Variants in SPAG17 observed in about 807,000 individuals in gnomAD.
SPAG17 encodes sperm-associated antigen 17.
Under a neutral mutation model 273.6 loss-of-function variants are expected in SPAG17, and 169 were observed. That is an observed-to-expected ratio of 0.62 (90% CI 0.55 to 0.70). The LOEUF is 0.70. SPAG17 is among the 30% of genes least tolerant of loss of function. SPAG17 has a pLI of 0.00. For missense variants in SPAG17, 2,557 were observed against 2,627.8 expected (o/e 0.97, Z 0.59); for synonymous variants, 825 against 873.2 (o/e 0.94, Z 0.97).
chr1:118,049,382 AGT>A (rs1232601931), intron 20 of SPAG17, among the ~76,000 whole-genome samples: 1 of 152,226 alleles, frequency 6.6e-6, no homozygotes, highest in East Asian at 1.9e-4. Flanking sequence ...CTCATGATTA[AGT>A]GTGATTTATT....
chr1:118,027,180 A>T (rs1443360943), intron 26 of SPAG17, among the ~76,000 whole-genome samples: 1 of 152,202 alleles, frequency 6.6e-6, no homozygotes, highest in East Asian at 1.9e-4. Context: ...TCTGAGTGGA[A>T]GACACCCAGT....
chr1:118,184,547 A>T lies in SPAG17; in HGVS notation c.87+524T>A, dbSNP rs554410696. ...TAAAAATATGTCAAAACTTTAATATAGTGGGATCAGGGCATTACATTAAAA... is the reference window on the plus strand; with the variant it reads ...TAAAAATATGTCAAAACTTTAATATTGTGGGATCAGGGCATTACATTAAAA... On this transcript the variant is annotated intron_variant, in intron 1 of 48. Coordinates refer to ENST00000336338, the MANE Select transcript of SPAG17 (RefSeq NM_206996.4). Among the ~76,000 whole-genome samples, 11 of 152,286 alleles carry T rather than the reference A, an allele frequency of 7.2e-5. No individual in the cohort carries two copies. In the South Asian group the frequency reaches 2.3e-3, roughly 32 times the overall value.
intron 43 of SPAG17, among the ~76,000 whole-genome samples, chr1:117,978,723 T>G (rs1655400231): frequency 6.6e-6 from 1 of 152,162 alleles, no homozygotes; most frequent in Non-Finnish European, 1.5e-5. Flanking sequence ...AGTTCACCAG[T>G]GATCTTCATC....
chr1:118,021,902 T>C (rs1362554802), intron 28 of SPAG17, among the ~76,000 whole-genome samples: 1 of 152,166 alleles, frequency 6.6e-6, no homozygotes, highest in Non-Finnish European at 1.5e-5. Context: ...GAAAGCTATC[T>C]GGATACTTCT....
intron 42 of SPAG17, among the ~76,000 whole-genome samples, chr1:117,982,240 TA>T (rs745634734): frequency 1.5e-5 from 2 of 131,160 alleles, no homozygotes; most frequent in African/African-American, 2.5e-5. Context: ...TCTATCTGCT[TA>T]TTTTTTTTTT....
At chr1:118,165,378 C>T (rs992392849) in intron 1 of SPAG17, among the ~76,000 whole-genome samples, 3 of 152,080 alleles carry the variant, frequency 2.0e-5, no homozygotes, top group Admixed American at 1.3e-4. Context: ...ACCAGTTAAA[C>T]CTCCACTCTT....
intron 48 of SPAG17, chr1:117,962,094 T>A (rs1200763031): frequency 2.0e-5 from 3 of 151,824 alleles, no homozygotes; most frequent in Non-Finnish European, 4.4e-5. Context: ...AGTTGCTGTT[T>A]TCCCGTAGCT....
intron 3 of SPAG17, among the ~76,000 whole-genome samples, chr1:118,139,459 T>C (rs1040384096): frequency 6.6e-6 from 1 of 152,228 alleles, no homozygotes; most frequent in African/African-American, 2.4e-5. Flanking sequence ...ATCTCACTTC[T>C]GGGTATTTAC....
intron 40 of SPAG17, among the ~76,000 whole-genome samples, chr1:117,986,243 G>A (rs943655593): frequency 2.6e-5 from 4 of 152,152 alleles, no homozygotes; most frequent in South Asian, 2.1e-4. Context: ...TTCACTCATC[G>A]ATCTACGGCA....
chr1:118,032,692 A>G (rs1334655248), intron 24 of SPAG17, among the ~76,000 whole-genome samples: 1 of 151,926 alleles, frequency 6.6e-6, no homozygotes, highest in Non-Finnish European at 1.5e-5. Flanking sequence ...CCCGGGTTCA[A>G]GTGATTCTTG....
chr1:118,064,299 C>T (rs1045287922), intron 18 of SPAG17, among the ~76,000 whole-genome samples: 33 of 151,790 alleles, frequency 2.2e-4, no homozygotes, highest in Non-Finnish European at 2.9e-4. Flanking sequence ...ATGTTTATTG[C>T]GGCACTATTC....
intron 4 of SPAG17, among the ~76,000 whole-genome samples, chr1:118,114,492 G>T (rs1656952661): frequency 6.6e-6 from 1 of 152,088 alleles, no homozygotes. Context: ...TTTCTTCCGT[G>T]AATTGATTTT....
chr1:118,081,143 G>A lies in SPAG17; in HGVS notation c.2167C>T (p.Gln723Ter). 1 of 1,613,718 alleles carries A rather than the reference G, an allele frequency of 6.2e-7. No homozygotes were observed. Among genetic ancestry groups the A allele is most frequent in the Non-Finnish European group, 8.5e-7 (1 of 1,179,932 alleles). ...SVPDNRQLLE[Q>*]ESIMKAQPQH... ...GGCTGAGCCTTCATGATGCTCTCCT[G>A]CTCTAACAGCTGTCTATTATCAGGG... The change falls in exon 15 of 49, where the codon CAG (glutamine) becomes TAG (stop). Residue 723 changes from glutamine to a stop codon, truncating the protein, a stop_gained. Coordinates refer to ENST00000336338, the MANE Select transcript of SPAG17 (RefSeq NM_206996.4). LOFTEE classifies it high-confidence loss of function.
rs2102418891 is a variant in SPAG17 at position 118,185,135 on chromosome 1, C to T, written c.23G>A (p.Gly8Glu). The T allele has an allele frequency of 1.2e-6, 2 of 1,614,040 alleles. No homozygotes were observed. Among genetic ancestry groups the T allele is most frequent in the Admixed American group, 1.7e-5 (1 of 60,028 alleles). Residue 8 changes from glycine to glutamate, a missense_variant, in exon 1 of 49, where the codon GGA becomes GAA. Gly to Glu is a moderately conservative substitution (Grantham distance 98). Transcript: ENST00000336338. MAPKKEK[G>E]GTVNTSSKIW... ...CTTAGAACTGGTGTTCACAGTTCCT[C>T]CTTTCTCCTTCTTGGGTGCCATGCA...
At chr1:118,153,791 GCTGAGATCGCACCAC>G in intron 1 of SPAG17, among the ~76,000 whole-genome samples, 1 of 152,056 alleles carries the variant, frequency 6.6e-6, no homozygotes, top group Non-Finnish European at 1.5e-5. Flanking sequence ...AGTGCAGTGA[GCTGAGATCGCACCAC>G]TGCACTCCAG....
At chr1:118,050,697 A>G (rs1267981389) in intron 20 of SPAG17, among the ~76,000 whole-genome samples, 2 of 152,210 alleles carry the variant, frequency 1.3e-5, no homozygotes, top group African/African-American at 4.8e-5. Flanking sequence ...TCCACATGCA[A>G]AAGAATGAAA....
At chr1:117,987,803 G>A (rs1297805447) in intron 40 of SPAG17, 31 bp downstream of exon 40, 2 of 1,610,742 alleles carry the variant, frequency 1.2e-6, no homozygotes, top group African/African-American at 2.7e-5. Context: ...GGCCCTTTCA[G>A]GTCCTTATGT....
chr1:117,983,797 T>G lies in SPAG17; in HGVS notation c.5872+14A>C. ...GGACATTTAATAGGAATATGTGCTA[T>G]GCTAACATATTACCTAGATTAAGAT... On this transcript the variant is annotated intron_variant, in intron 42 of 48. Coordinates refer to ENST00000336338, the MANE Select transcript of SPAG17 (RefSeq NM_206996.4). 6.5e-7 allele frequency: 1 copy of G among 1,531,982 alleles called. No individual in the cohort carries two copies. The highest frequency in any genetic ancestry group is 9.0e-7 in the Non-Finnish European group (1 of 1,108,052). 94.9% of individuals were successfully genotyped at this position (1,531,982 alleles called of 1,614,324 possible).
At chr1:118,072,831 T>C (rs944547072) in intron 17 of SPAG17, among the ~76,000 whole-genome samples, 5 of 151,922 alleles carry the variant, frequency 3.3e-5, no homozygotes, top group Non-Finnish European at 5.9e-5. Flanking sequence ...TACATGCACA[T>C]GTGTGTTGGA....
Sources: allele counts gnomAD v4.1 joint callset (sites outside exome capture counted in the v4.1 genomes callset), GRCh38; gene constraint gnomAD v4.1.1; transcripts MANE v1.5; gene names NCBI Gene and HGNC (gene_info 2026-07-23, HGNC 2026-07-21).